Variants in RBMS3 observed in about 807,000 individuals in gnomAD.
RBMS3 encodes RNA-binding motif, single-stranded-interacting protein 3.
A neutral mutation model predicts 66.8 loss-of-function variants in RBMS3; 27 were observed. That is an observed-to-expected ratio of 0.40 (90% CI 0.30 to 0.56). The LOEUF (loss-of-function observed/expected upper bound fraction) is 0.56. Ranked by LOEUF, RBMS3 falls within the 20% of genes least tolerant of loss-of-function variation. The pLI is 0.40. For missense variants in RBMS3, 513 were observed against 549.5 expected (o/e 0.93, Z 0.66); for synonymous variants, 188 against 183.0 (o/e 1.03, Z -0.22).
At chr3:29,802,926 C>T (rs2149445587) in intron 6 of RBMS3, among the ~76,000 whole-genome samples, 1 of 152,252 alleles carries the variant, frequency 6.6e-6, no homozygotes, top group Middle Eastern at 3.4e-3. Context: ...ATGGTGAATA[C>T]TAAAAACACA....
Position 29,991,409 on chromosome 3 carries a change from A to G in RBMS3, c.1307+200A>G, listed in dbSNP as rs1577337998. 7.0e-6 allele frequency: 5 copies of G among 716,510 alleles called. No homozygotes were observed. In the East Asian group the frequency reaches 1.5e-4, roughly 22 times the overall value. The allele number at this position is 716,510 out of a possible 1,614,324, so 44.4% of individuals were successfully genotyped here. ...GTTCTTCTGATCTTGACAGGAATCA[A>G]ACATCTAGGAACAGCTGCTGATTAT... On this transcript the variant is annotated intron_variant, in intron 14 of 14. Transcript: ENST00000383767.
chr3:29,882,789 A>G (rs1305913231), intron 7 of RBMS3, among the ~76,000 whole-genome samples: 1 of 152,076 alleles, frequency 6.6e-6, no homozygotes, highest in Admixed American at 6.6e-5. Context: ...GGAAAAATAA[A>G]AAAACTCAAA....
chr3:29,934,800 GGGA>G (rs1317278498), intron 10 of RBMS3, among the ~76,000 whole-genome samples: 1 of 151,922 alleles, frequency 6.6e-6, no homozygotes, highest in Non-Finnish European at 1.5e-5. Flanking sequence ...AAAATTAATG[GGGA>G]GGAGCCCACA....
At chr3:29,764,532 T>G (rs2149385587) in intron 6 of RBMS3, among the ~76,000 whole-genome samples, 1 of 152,128 alleles carries the variant, frequency 6.6e-6, no homozygotes, top group Admixed American at 6.6e-5. Context: ...TCAAACTAGG[T>G]GTAAATTATA....
chr3:29,363,130 C>A (rs2037699394), intron 1 of RBMS3, among the ~76,000 whole-genome samples: 1 of 152,092 alleles, frequency 6.6e-6, no homozygotes, highest in East Asian at 1.9e-4. Flanking sequence ...TTGAACTTGG[C>A]CTCTCTCCAT....
At chr3:29,898,950 G>A (rs148535410) in intron 9 of RBMS3, among the ~76,000 whole-genome samples, 26 of 151,468 alleles carry the variant, frequency 1.7e-4, no homozygotes, top group Non-Finnish European at 1.5e-5. Context: ...AGCAATGATC[G>A]ATGTTGTTGA....
intron 3 of RBMS3, among the ~76,000 whole-genome samples, chr3:29,546,351 A>G (rs1334959400): frequency 6.6e-6 from 1 of 152,154 alleles, no homozygotes; most frequent in Non-Finnish European, 1.5e-5. Context: ...GCAGGATTCA[A>G]GCGCCTGTAG....
intron 6 of RBMS3, among the ~76,000 whole-genome samples, chr3:29,824,295 C>T (rs1226362765): frequency 5.3e-5 from 8 of 152,062 alleles, no homozygotes; most frequent in African/African-American, 1.9e-4. Context: ...TGTGATGACC[C>T]TGTGAGATGG....
intron 6 of RBMS3, among the ~76,000 whole-genome samples, chr3:29,816,164 G>A (rs1361083453): frequency 6.6e-6 from 1 of 151,906 alleles, no homozygotes; most frequent in Non-Finnish European, 1.5e-5. Context: ...CCTCTTTAAG[G>A]GCCTCTCAGT....
intron 6 of RBMS3, among the ~76,000 whole-genome samples, chr3:29,793,286 G>A (rs1289576759): frequency 2.0e-5 from 3 of 151,404 alleles, no homozygotes; most frequent in African/African-American, 7.3e-5. Context: ...AACCTAGTAA[G>A]TTACATAATT....
At chr3:29,384,426 T>TAAGAAGAAGAAGAAGAAG (rs1260902457) in intron 1 of RBMS3, among the ~76,000 whole-genome samples, 6 of 93,430 alleles carry the variant, frequency 6.4e-5, no homozygotes, top group African/African-American at 1.5e-4. Flanking sequence ...CCAATAATAA[T>TAAGAAGAAGAAGAAGAAG]AATAATAATA....
At chr3:29,967,002 G>T (rs1696893919) in intron 12 of RBMS3, among the ~76,000 whole-genome samples, 1 of 152,158 alleles carries the variant, frequency 6.6e-6, no homozygotes, top group Admixed American at 6.5e-5. Flanking sequence ...TTATTGACTT[G>T]TGTATGTTAA....
chr3:29,693,202 A>G (rs2052112052), intron 4 of RBMS3, among the ~76,000 whole-genome samples: 1 of 152,200 alleles, frequency 6.6e-6, no homozygotes, highest in Non-Finnish European at 1.5e-5. Flanking sequence ...TGAATTAAAG[A>G]CAAATACCCA....
intron 4 of RBMS3, among the ~76,000 whole-genome samples, chr3:29,636,303 T>G (rs1429068244): frequency 1.3e-5 from 2 of 151,858 alleles, no homozygotes. Flanking sequence ...TAATTTGAAG[T>G]GACTCCAGCT....
chr3:29,348,562 T>C, intron 1 of RBMS3, among the ~76,000 whole-genome samples: 1 of 138,688 alleles, frequency 7.2e-6, no homozygotes, highest in East Asian at 2.1e-4. Flanking sequence ...ACTCTTGACT[T>C]CTCTCTGTTA....
At chr3:29,549,601 T>G (rs1222902768) in intron 3 of RBMS3, among the ~76,000 whole-genome samples, 2 of 152,044 alleles carry the variant, frequency 1.3e-5, no homozygotes, top group African/African-American at 4.8e-5. Flanking sequence ...GGTTTCACTT[T>G]ATTGGTCAGG....
intron 3 of RBMS3, among the ~76,000 whole-genome samples, chr3:29,571,674 T>C (rs1484288968): frequency 1.3e-5 from 2 of 152,190 alleles, no homozygotes; most frequent in African/African-American, 2.4e-5. Context: ...TTGGTTACTA[T>C]AGCTCTGTAG....
At chr3:29,308,745 A>C (rs954887140) in intron 1 of RBMS3, among the ~76,000 whole-genome samples, 5 of 32,188 alleles carry the variant, frequency 1.6e-4, no homozygotes, top group Non-Finnish European at 3.0e-4. Context: ...TTAAAAAAAA[A>C]CAAAAAAAAA....
At chr3:29,778,322 CT>C (rs1230788760) in intron 6 of RBMS3, among the ~76,000 whole-genome samples, 1 of 151,630 alleles carries the variant, frequency 6.6e-6, no homozygotes, top group African/African-American at 2.4e-5. Flanking sequence ...TTGTGACTCT[CT>C]GTATATGATT....
Sources: gnomAD v4.1 joint callset for allele counts (sites outside exome capture counted in the v4.1 genomes callset) on GRCh38, gnomAD v4.1.1 for gene constraint, MANE v1.5 for transcripts, NCBI Gene and HGNC (gene_info 2026-07-23, HGNC 2026-07-21) for gene names.